The following RBFOX2 variants were observed in gnomAD, a reference collection of about 807,000 sequenced individuals.
RBFOX2 encodes RNA binding fox-1 homolog 2.
Under a neutral mutation model 49.1 loss-of-function variants are expected in RBFOX2, and 10 were observed. The observed-to-expected ratio is 0.20, with a 90% CI of 0.13 to 0.35. The LOEUF (loss-of-function observed/expected upper bound fraction) is 0.35, where lower values mean the gene tolerates loss of function less well. RBFOX2 is among the 10% of genes least tolerant of loss of function. The probability of loss-of-function intolerance (pLI) is 1.00; values close to 1 mark genes in which losing one functional copy is unlikely to be tolerated. For missense variants in RBFOX2, 323 were observed against 486.9 expected (o/e 0.66, Z 3.17); for synonymous variants, 183 against 187.4 (o/e 0.98, Z 0.19).
chr22:35,833,553 G>A (rs1379593399), intron 1 of RBFOX2, among the ~76,000 whole-genome samples: 1 of 152,038 alleles, frequency 6.6e-6, no homozygotes, highest in Non-Finnish European at 1.5e-5. Flanking sequence ...GAATCTCAAA[G>A]TCTCCTGCAA....
chr22:35,940,962 T>C (rs2053630472), upstream of RBFOX2, among the ~76,000 whole-genome samples: 1 of 152,160 alleles, frequency 6.6e-6, no homozygotes, highest in African/African-American at 2.4e-5. Context: ...ACCAGGTTTA[T>C]CTGGAGGGAG....
chr22:35,939,028 C>A, upstream of RBFOX2: 1 of 864,440 alleles, frequency 1.2e-6, no homozygotes, highest in Non-Finnish European at 1.9e-6. Context: ...CTGTATTCCA[C>A]CCTACCTAAG....
At chr22:35,833,042 C>T (rs1957075669) in intron 1 of RBFOX2, among the ~76,000 whole-genome samples, 1 of 152,092 alleles carries the variant, frequency 6.6e-6, no homozygotes, top group Non-Finnish European at 1.5e-5. Context: ...ATCAAAATAT[C>T]ATATGTACCC....
intron 1 of RBFOX2, among the ~76,000 whole-genome samples, chr22:35,892,182 T>C (rs1182041605): frequency 6.6e-6 from 1 of 152,160 alleles, no homozygotes; most frequent in Admixed American, 6.5e-5. Context: ...TTCACAACAA[T>C]CCTGAGTGCC....
At chr22:35,832,299 G>C (rs1197835086) in intron 1 of RBFOX2, among the ~76,000 whole-genome samples, 1 of 149,722 alleles carries the variant, frequency 6.7e-6, no homozygotes, top group Non-Finnish European at 1.5e-5. Context: ...CTTGAACCCA[G>C]GAGGCGGAGG....
At chr22:35,783,546 G>C (rs530492358) in intron 2 of RBFOX2, among the ~76,000 whole-genome samples, 2 of 152,044 alleles carry the variant, frequency 1.3e-5, no homozygotes, top group Non-Finnish European at 2.9e-5. Flanking sequence ...GCGAGTTTGG[G>C]GGGGCACAGC....
chr22:35,804,175 G>A (rs1950276310), intron 2 of RBFOX2, among the ~76,000 whole-genome samples: 1 of 152,106 alleles, frequency 6.6e-6, no homozygotes, highest in Non-Finnish European at 1.5e-5. Flanking sequence ...CTACTTGGGA[G>A]GCTGAGGCAG....
intron 1 of RBFOX2, among the ~76,000 whole-genome samples, chr22:35,867,858 C>A (rs531389698): frequency 6.6e-6 from 1 of 152,128 alleles, no homozygotes; most frequent in Non-Finnish European, 1.5e-5. Context: ...GACATAAACA[C>A]TTTTAGATAT....
At chr22:35,836,782 GATAGT>G (rs577251036) in intron 1 of RBFOX2, among the ~76,000 whole-genome samples, 55 of 152,252 alleles carry the variant, frequency 3.6e-4, no homozygotes, top group African/African-American at 1.2e-3. Flanking sequence ...TTCAACAATA[GATAGT>G]ATAACTGAAT....
At chr22:35,936,621 T>G (rs2053103598) in intron 1 of RBFOX2, among the ~76,000 whole-genome samples, 1 of 152,120 alleles carries the variant, frequency 6.6e-6, no homozygotes, top group African/African-American at 2.4e-5. Context: ...CCTGTCACCA[T>G]CAGAATGTGC....
chr22:35,762,974 G>A (rs1939508203), intron 6 of RBFOX2, among the ~76,000 whole-genome samples: 1 of 151,978 alleles, frequency 6.6e-6, no homozygotes, highest in South Asian at 2.1e-4. Context: ...TAAAATTCTG[G>A]CAAAATCTAG....
intron 1 of RBFOX2, among the ~76,000 whole-genome samples, chr22:35,833,157 T>C (rs1251843398): frequency 1.3e-5 from 2 of 152,194 alleles, no homozygotes; most frequent in African/African-American, 4.8e-5. Context: ...TATAAATTAA[T>C]GCAACTAGTC....
chr22:35,748,950 T>C (rs1052771495), intron 9 of RBFOX2, among the ~76,000 whole-genome samples: 2 of 152,208 alleles, frequency 1.3e-5, no homozygotes, highest in African/African-American at 4.8e-5. Context: ...CTTTAAGCTG[T>C]ATTCTTAAAA....
Position 35,961,562 on chromosome 22 carries a change from C to A in RBFOX2, c.42+1G>T, listed in dbSNP as rs1318010666. 1 of 1,304,082 alleles carries A rather than the reference C, an allele frequency of 7.7e-7. No individual in the cohort carries two copies. Among genetic ancestry groups the A allele is most frequent in the Non-Finnish European group, 1.0e-6 (1 of 988,906 alleles). The allele number at this position is 1,304,082 out of a possible 1,614,324, so 80.8% of individuals were successfully genotyped here. ...CCCCACACACCCAACTCCCCACCAACCTCACAGGGGTTCCTGGGCTGGTCC... is the reference window on the plus strand; with the variant it reads ...CCCCACACACCCAACTCCCCACCAAACTCACAGGGGTTCCTGGGCTGGTCC... On this transcript the variant is annotated splice_donor_variant, in intron 1 of 5. Coordinates refer to the RBFOX2 transcript ENST00000408983. LOFTEE classifies it high-confidence loss of function.
chr22:35,921,717 G>C (rs2051045830), intron 1 of RBFOX2, among the ~76,000 whole-genome samples: 1 of 152,198 alleles, frequency 6.6e-6, no homozygotes, highest in Admixed American at 6.5e-5. Context: ...TATTAACACT[G>C]CATTTAGAAT....
At chr22:35,781,887 A>ACAG (rs2147143283) in intron 2 of RBFOX2, 141 bp from the exon 4 acceptor site, 2 of 868,010 alleles carry the variant, frequency 2.3e-6, no homozygotes, top group Non-Finnish European at 3.6e-6. Context: ...AGCAACAACA[A>ACAG]CAGCAGCAAC....
chr22:35,787,938 T>C (rs1203281183), intron 2 of RBFOX2, among the ~76,000 whole-genome samples: 1 of 152,206 alleles, frequency 6.6e-6, no homozygotes, highest in Non-Finnish European at 1.5e-5. Flanking sequence ...TGCAATCATA[T>C]GGCTAAAACC....
At chr22:35,863,173 AT>A (rs2149104792) in intron 1 of RBFOX2, among the ~76,000 whole-genome samples, 1 of 152,218 alleles carries the variant, frequency 6.6e-6, no homozygotes, top group East Asian at 1.9e-4. Flanking sequence ...TTTTGTAAAT[AT>A]TTGTAACATT....
intron 1 of RBFOX2, among the ~76,000 whole-genome samples, chr22:36,015,402 T>C (rs1360186660): frequency 1.3e-5 from 2 of 152,238 alleles, no homozygotes; most frequent in African/African-American, 4.8e-5. Context: ...ACCAACTCCC[T>C]GTAAGCTTTG....
Sources: allele counts gnomAD v4.1 joint callset (sites outside exome capture counted in the v4.1 genomes callset), GRCh38; gene constraint gnomAD v4.1.1; transcripts MANE v1.5; gene names NCBI Gene and HGNC (gene_info 2026-07-23, HGNC 2026-07-21).